The following SOX6 variants were observed in gnomAD, a reference collection of about 807,000 sequenced individuals.
SOX6 encodes the protein transcription factor SOX-6.
Under a neutral mutation model 97.8 loss-of-function variants are expected in SOX6, and 11 were observed. That is an observed-to-expected ratio of 0.11 (90% CI 0.07 to 0.19). The LOEUF (loss-of-function observed/expected upper bound fraction) is 0.19, where lower values mean the gene tolerates loss of function less well. SOX6 is among the 10% of genes least tolerant of loss of function. SOX6 has a pLI of 1.00. For missense variants in SOX6, 810 were observed against 1,039.5 expected (o/e 0.78, Z 3.04); for synonymous variants, 360 against 371.4 (o/e 0.97, Z 0.35).
chr11:15,980,772 A>G (rs1283326813), intron 15 of SOX6, among the ~76,000 whole-genome samples: 3 of 152,094 alleles, frequency 2.0e-5, no homozygotes, highest in African/African-American at 7.2e-5. Flanking sequence ...GCCATAATGC[A>G]TAATAATCTC....
At chr11:16,395,060 A>G (rs1436138144) in intron 1 of SOX6, among the ~76,000 whole-genome samples, 1 of 151,892 alleles carries the variant, frequency 6.6e-6, no homozygotes, top group Non-Finnish European at 1.5e-5. Flanking sequence ...ACCAACCAAC[A>G]GACTCTATTT....
At chr11:16,662,819 G>C (rs1847775903) in intron 3 of SOX6, among the ~76,000 whole-genome samples, 1 of 152,082 alleles carries the variant, frequency 6.6e-6, no homozygotes, top group Admixed American at 6.6e-5. Flanking sequence ...TCAGCCTCCT[G>C]AGTAGATCTG....
At chr11:16,249,651 A>G in intron 3 of SOX6, among the ~76,000 whole-genome samples, 1 of 152,178 alleles carries the variant, frequency 6.6e-6, no homozygotes, top group Non-Finnish European at 1.5e-5. Context: ...TCTGACATGT[A>G]CCAGTAATAA....
chr11:16,429,390 G>A (rs1230536728), intron 1 of SOX6, among the ~76,000 whole-genome samples: 2 of 152,098 alleles, frequency 1.3e-5, no homozygotes, highest in South Asian at 2.1e-4. Flanking sequence ...GTTCATTGCA[G>A]CACTATTCTC....
intron 10 of SOX6, among the ~76,000 whole-genome samples, chr11:16,052,373 G>T (rs948529125): frequency 6.6e-6 from 1 of 152,058 alleles, no homozygotes; most frequent in Non-Finnish European, 1.5e-5. Flanking sequence ...CATATAAGAG[G>T]CATAAATATT....
chr11:16,262,008 G>A (rs1435540611), intron 3 of SOX6, among the ~76,000 whole-genome samples: 1 of 151,976 alleles, frequency 6.6e-6, no homozygotes, highest in African/African-American at 2.4e-5. Flanking sequence ...CAAACACTGA[G>A]CAGTTCTTTT....
intron 1 of SOX6, among the ~76,000 whole-genome samples, chr11:16,442,381 A>G (rs1243870166): frequency 6.6e-6 from 1 of 152,182 alleles, no homozygotes; most frequent in East Asian, 1.9e-4. Context: ...TGTGAAAATG[A>G]AACCTGCCTC....
chr11:16,614,122 G>C (rs1333660496), intron 3 of SOX6, among the ~76,000 whole-genome samples: 2 of 152,176 alleles, frequency 1.3e-5, no homozygotes, highest in Non-Finnish European at 2.9e-5. Flanking sequence ...CCAAGTCAGG[G>C]GCTGCGGCTC....
At position 16,560,582 on chromosome 11, in the gene SOX6, T is replaced by C. The variant is rs558054601; in HGVS notation, n.609+51499A>G. Among the ~76,000 whole-genome samples, 88 of 108,790 alleles carry C rather than the reference T, an allele frequency of 8.1e-4. 1 individual carries two copies. Among genetic ancestry groups the C allele is most frequent in the Non-Finnish European group, 1.3e-3 (69 of 51,186 alleles). The allele number at this position is 108,790 out of a possible 152,430, so 71.4% of individuals were successfully genotyped here. ...ACGTACATATATGTTTATACGTACATATATGTTTATACGTACATGTATGTT... is the reference window on the plus strand; with the variant it reads ...ACGTACATATATGTTTATACGTACACATATGTTTATACGTACATGTATGTT... On this transcript the variant is annotated intron_variant and non_coding_transcript_variant, in intron 4 of 5. Transcript: ENST00000524520.
intron 3 of SOX6, among the ~76,000 whole-genome samples, chr11:16,270,388 T>C (rs1183107492): frequency 6.6e-6 from 1 of 151,318 alleles, no homozygotes; most frequent in African/African-American, 2.4e-5. Flanking sequence ...TCCTCCTACA[T>C]TGCGGGGGAG....
chr11:16,180,848 T>G (rs1411548939), intron 6 of SOX6, among the ~76,000 whole-genome samples: 4 of 151,780 alleles, frequency 2.6e-5, no homozygotes, highest in Admixed American at 2.6e-4. Flanking sequence ...AATAAAATTG[T>G]TCTTAACTGC....
chr11:16,192,633 A>C (rs1851661442), intron 4 of SOX6, among the ~76,000 whole-genome samples: 1 of 152,060 alleles, frequency 6.6e-6, no homozygotes, highest in Non-Finnish European at 1.5e-5. Flanking sequence ...TAACTTTACA[A>C]ACTATTACTA....
At chr11:16,030,100 T>TTA (rs2133883834) in intron 12 of SOX6, among the ~76,000 whole-genome samples, 1 of 152,302 alleles carries the variant, frequency 6.6e-6, no homozygotes, top group East Asian at 1.9e-4. Flanking sequence ...AAAATGTCAC[T>TTA]TATATAAGGC....
intron 2 of SOX6, among the ~76,000 whole-genome samples, chr11:16,725,659 G>C (rs1428961946): frequency 1.3e-5 from 2 of 152,126 alleles, no homozygotes; most frequent in Non-Finnish European, 2.9e-5. Flanking sequence ...GGAAAACAAG[G>C]AGGAGGGATG....
intron 12 of SOX6, among the ~76,000 whole-genome samples, chr11:16,026,422 A>G (rs554448793): frequency 2.1e-4 from 32 of 152,280 alleles, no homozygotes; most frequent in African/African-American, 7.5e-4. Flanking sequence ...ACACAAAGGC[A>G]AGGGAAGGCA....
At chr11:16,597,609 A>C (rs1034394436) in intron 4 of SOX6, among the ~76,000 whole-genome samples, 3 of 152,004 alleles carry the variant, frequency 2.0e-5, no homozygotes, top group Admixed American at 6.6e-5. Flanking sequence ...ATTTTTTCTT[A>C]AAATGAAAGC....
At chr11:16,056,206 C>T (rs1173286283) in intron 9 of SOX6, among the ~76,000 whole-genome samples, 1 of 151,618 alleles carries the variant, frequency 6.6e-6, no homozygotes, top group African/African-American at 2.4e-5. Flanking sequence ...ACTAAGTAGC[C>T]TCTAAGATGC....
intron 4 of SOX6, among the ~76,000 whole-genome samples, chr11:16,224,734 A>G (rs552127655): frequency 6.6e-6 from 1 of 152,194 alleles, no homozygotes; most frequent in Non-Finnish European, 1.5e-5. Context: ...TGTTAGCAAA[A>G]AGAGTCCATG....
At chr11:16,658,485 G>A (rs1564861602) in intron 3 of SOX6, among the ~76,000 whole-genome samples, 1 of 150,946 alleles carries the variant, frequency 6.6e-6, no homozygotes, top group Non-Finnish European at 1.5e-5. Flanking sequence ...AAGGCAGGCA[G>A]ATCACGAGGT....
Sources: gnomAD v4.1 joint callset for allele counts (sites outside exome capture counted in the v4.1 genomes callset) on GRCh38, gnomAD v4.1.1 for gene constraint, MANE v1.5 for transcripts, NCBI Gene and HGNC (gene_info 2026-07-23, HGNC 2026-07-21) for gene names.